QSER1: variants seen among roughly 807,000 people sequenced by gnomAD.
QSER1 encodes glutamine and serine-rich protein 1.
QSER1 carries 49 observed loss-of-function variants against 158.5 expected under a neutral mutation model. That is an observed-to-expected ratio of 0.31 (90% CI 0.25 to 0.39). The LOEUF (loss-of-function observed/expected upper bound fraction) is 0.39, where lower values mean the gene tolerates loss of function less well. QSER1 is among the 10% of genes least tolerant of loss of function. The probability of loss-of-function intolerance (pLI) is 1.00; values close to 1 mark genes in which losing one functional copy is unlikely to be tolerated. For missense variants in QSER1, 1,754 were observed against 2,010.3 expected, an observed-to-expected ratio of 0.87 and a Z score of 2.44; for synonymous variants, 650 against 715.5, an observed-to-expected ratio of 0.91 and a Z score of 1.46.
At chr11:32,903,566 T>C (rs1851651086) in intron 1 of QSER1, among the ~76,000 whole-genome samples, 1 of 151,548 alleles carries the variant, frequency 6.6e-6, no homozygotes, top group Non-Finnish European at 1.5e-5. Flanking sequence ...AAATGTTACC[T>C]TGGGAAACAG....
intron 1 of QSER1, among the ~76,000 whole-genome samples, chr11:32,901,178 T>C (rs2133490847): frequency 6.6e-6 from 1 of 152,332 alleles, no homozygotes; most frequent in Non-Finnish European, 1.5e-5. Context: ...TTATGTAAAA[T>C]GAGGACACTT....
intron 4 of QSER1, among the ~76,000 whole-genome samples, chr11:32,939,005 C>T (rs1564937275): frequency 6.6e-6 from 1 of 152,098 alleles, no homozygotes; most frequent in East Asian, 1.9e-4. Context: ...GGGTTAGGTG[C>T]TATTTTCACC....
intron 7 of QSER1, among the ~76,000 whole-genome samples, chr11:32,956,940 A>T (rs115740463): frequency 4.9e-4 from 74 of 151,646 alleles, no homozygotes; most frequent in African/African-American, 1.7e-3. Flanking sequence ...TGCCCAGCTA[A>T]TTTTTATAGG....
Position 32,935,259 on chromosome 11 carries a change from C to G in QSER1, c.4001C>G (p.Ser1334Cys), listed in dbSNP as rs753589753. The G allele has an allele frequency of 6.2e-7, 1 of 1,613,886 alleles. No individual in the cohort carries two copies. The highest frequency in any genetic ancestry group is 1.7e-5 in the Admixed American group (1 of 59,946). The change falls in exon 4 of 13, where the codon TCT becomes TGT. Residue 1334 changes from serine (S) to cysteine (C), a missense_variant. Transcript: ENST00000650167. ...TCTACAACACCCACACCTTTAGTGT[C>G]TGAAACTGGCGGTAACAGTCCATCA... The part of the protein sequence containing the change: ...PSSTTPTPLV[S>C]ETGGNSPSDK...
chr11:32,906,819 T>G (rs1436541348), intron 1 of QSER1, among the ~76,000 whole-genome samples: 1 of 152,188 alleles, frequency 6.6e-6, no homozygotes, highest in Non-Finnish European at 1.5e-5. Context: ...TAGCACATGG[T>G]CAGTCTTCTT....
At chr11:32,973,321 C>T (rs1852905982) in intron 10 of QSER1, 76 bp from the exon 11 acceptor site, 1 of 1,509,830 alleles carries the variant, frequency 6.6e-7, no homozygotes, top group Non-Finnish European at 9.1e-7. Context: ...ACACACACTT[C>T]TAAATTTTAG....
chr11:32,895,771 C>T (rs926910087), intron 1 of QSER1, among the ~76,000 whole-genome samples: 2 of 152,170 alleles, frequency 1.3e-5, no homozygotes, highest in East Asian at 1.9e-4. Context: ...CTACTTTATG[C>T]CTTCTTGGTC....
intron 3 of QSER1, among the ~76,000 whole-genome samples, chr11:32,929,943 A>G (rs538000693): frequency 2.4e-4 from 36 of 152,190 alleles, no homozygotes; most frequent in Non-Finnish European, 4.1e-4. Flanking sequence ...TGTCCTTTCT[A>G]ACTAGCCTCT....
intron 1 of QSER1, among the ~76,000 whole-genome samples, chr11:32,904,189 C>CTTTTTTTT (rs370789790): frequency 1.5e-5 from 2 of 137,230 alleles, no homozygotes; most frequent in Non-Finnish European, 1.6e-5. Context: ...ATTTCTTTTT[C>CTTTTTTTT]TTTTTTTTTT....
At chr11:32,915,921 G>GTT (rs763908776) in intron 1 of QSER1, among the ~76,000 whole-genome samples, 2,768 of 142,186 alleles carry the variant, frequency 0.019, 41 homozygotes, top group South Asian at 0.039. Flanking sequence ...ATATAATTTT[G>GTT]TTTTTTTTTT....
chr11:32,906,842 C>G (rs576344470), intron 1 of QSER1, among the ~76,000 whole-genome samples: 1 of 152,292 alleles, frequency 6.6e-6, no homozygotes, highest in East Asian at 1.9e-4. Flanking sequence ...ATGCATATCC[C>G]TACATTCTCT....
intron 1 of QSER1, among the ~76,000 whole-genome samples, chr11:32,910,056 G>A (rs1416500032): frequency 4.6e-5 from 7 of 152,070 alleles, no homozygotes; most frequent in Middle Eastern, 3.2e-3. Context: ...ACCTTTCCAC[G>A]ATCTCCTACT....
chr11:32,945,428 C>T (rs1329182836), intron 4 of QSER1, among the ~76,000 whole-genome samples: 1 of 150,828 alleles, frequency 6.6e-6, no homozygotes, highest in Non-Finnish European at 1.5e-5. Context: ...TTAGGGCAGG[C>T]CTGGTGGTGA....
intron 1 of QSER1, among the ~76,000 whole-genome samples, chr11:32,908,761 G>C (rs371720387): frequency 6.6e-6 from 1 of 152,136 alleles, no homozygotes; most frequent in East Asian, 1.9e-4. Context: ...ACATGTTTCC[G>C]GTGTAAGTAT....
rs374796432 is a variant in QSER1 at position 32,934,735 on chromosome 11, C to T, written c.3477C>T (p.Asp1159=). Residue 1159 remains aspartate, a synonymous_variant, in exon 4 of 13, where the codon GAC becomes GAT. Transcript: ENST00000650167. ...AGAGTGAATTTACCTTAGGGGGTGA[C>T]GACAGTGGTGTGTCAATGAACCCAG... ...TSESEFTLGG[D]DSGVSMNPAR... 1.4e-5 allele frequency: 22 copies of T among 1,613,634 alleles called. No individual in the cohort carries two copies. The highest frequency in any genetic ancestry group is 4.4e-5 in the South Asian group (4 of 90,998).
chr11:32,894,356 C>T (rs1278357322), intron 1 of QSER1, among the ~76,000 whole-genome samples: 1 of 152,096 alleles, frequency 6.6e-6, no homozygotes, highest in Admixed American at 6.6e-5. Context: ...GCCACCTCTC[C>T]CGAACAATAC....
At chr11:32,967,120 A>C (rs566694051) in intron 9 of QSER1, among the ~76,000 whole-genome samples, 27 of 152,346 alleles carry the variant, frequency 1.8e-4, no homozygotes, top group African/African-American at 6.5e-4. Flanking sequence ...GAGTGAATAA[A>C]GAAAATATAG....
At position 32,893,253 on chromosome 11, in the gene QSER1, C is replaced by T; in HGVS notation, c.128C>T (p.Pro43Leu). 1 of 150,690 alleles carries T rather than the reference C, an allele frequency of 6.6e-6. No homozygotes were observed. Among genetic ancestry groups the T allele is most frequent in the Non-Finnish European group, 1.5e-5 (1 of 67,776 alleles). The allele number at this position is 150,690 out of a possible 1,614,324, so 9.3% of individuals were successfully genotyped here. ...QPPAPAWAYE[P>L]RAAAAAASSS... ...CCCGCCCCAGCCTGGGCGTACGAAC[C>T]CCGAGCCGCCGCCGCCGCCGCCAGC... is the stretch of plus-strand genomic sequence containing the variant. The change falls in exon 1 of 13, where the codon CCC becomes CTC. Residue 43 changes from proline (P) to leucine (L), a missense_variant. Physicochemically the swap from Pro to Leu is moderately conservative, Grantham distance 98. Around this residue, in one of 2 missense-constraint regions of QSER1, gnomAD observed 1,707 missense variants for 1,919.6 expected, o/e 0.89. Coordinates refer to ENST00000650167, the MANE Select transcript of QSER1 (RefSeq NM_001076786.3). The surrounding 1 kb of genome is among the most constrained non-coding windows in gnomAD (Gnocchi z 4.7).
chr11:32,967,869 A>G (rs1485125438), intron 9 of QSER1, among the ~76,000 whole-genome samples: 2 of 152,238 alleles, frequency 1.3e-5, no homozygotes, highest in African/African-American at 4.8e-5. Context: ...GGGACTTTAG[A>G]TATTACCTAG....
Sources: gnomAD v4.1 joint callset for allele counts (sites outside exome capture counted in the v4.1 genomes callset) on GRCh38, gnomAD v4.1.1 for gene constraint, gnomAD v4.1.1 regional missense constraint, Gnocchi (gnomAD v3.1) non-coding constraint, MANE v1.5 for transcripts, NCBI Gene and HGNC (gene_info 2026-07-23, HGNC 2026-07-21) for gene names.